FREM1: variants seen among roughly 807,000 people sequenced by gnomAD.
FREM1 encodes FRAS1 related extracellular matrix 1, also known as FRAS1-related extracellular matrix protein 1.
A neutral mutation model predicts 210.1 loss-of-function variants in FREM1; 220 were observed. That is an observed-to-expected ratio of 1.05 (90% CI 0.94 to 1.17). FREM1 has a LOEUF of 1.17. FREM1 is among the 50% of genes most tolerant of loss of function. The pLI is 0.00. For synonymous variants in FREM1, 1,189 were observed against 980.2 expected (o/e 1.21, Z -3.98); for missense variants, 3,454 against 2,675.5 (o/e 1.29, Z -6.42).
At chr9:14,775,016 C>T (rs796511723) in intron 25 of FREM1, among the ~76,000 whole-genome samples, 7 of 152,326 alleles carry the variant, frequency 4.6e-5, no homozygotes, top group African/African-American at 1.7e-4. Context: ...TATTATTACC[C>T]TCATCATTAT....
rs12555299 is a variant in FREM1, at chr9:14,813,989, G to A, written c.2641-925C>T. 5.9e-3 allele frequency among the ~76,000 whole-genome samples: 904 copies of A among 152,144 alleles called. 43 individuals are homozygous for A. Among genetic ancestry groups the A allele is most frequent in the Admixed American group, 0.041 (623 of 15,260 alleles). ...TTCTCTGGCCTTATCCCATGCTATG[G>A]GGTGCCTTTGCCACTCCACTCCAGT... is the stretch of plus-strand genomic sequence containing the variant. On this transcript the variant is annotated intron_variant, in intron 15 of 36. Coordinates refer to ENST00000380880, the MANE Select transcript of FREM1 (RefSeq NM_001379081.2).
rs773811850 is a variant in FREM1, at chr9:14,775,767, G to GAACT, written c.4857+18_4857+21dup. The GAACT allele has an allele frequency of 6.9e-6, 8 of 1,156,772 alleles. No individual in the cohort carries two copies. The East Asian group carries it at 1.9e-4, about 28-fold the overall frequency. 71.7% of individuals were successfully genotyped at this position (1,156,772 alleles called of 1,614,324 possible). On this transcript the variant is annotated intron_variant, in intron 25 of 36. Transcript: ENST00000380880. ...CACTGTTTTCACATCTCTGGCAAAT[G>GAACT]AACTGTGTTTTTCATACTTGCCTGA...
chr9:14,815,155 C>G (rs1215376053), intron 15 of FREM1, among the ~76,000 whole-genome samples: 1 of 152,092 alleles, frequency 6.6e-6, no homozygotes, highest in Non-Finnish European at 1.5e-5. Flanking sequence ...GAACTACTGG[C>G]CAGTATGATC....
At chr9:14,830,926 T>C (rs1443336706) in intron 10 of FREM1, among the ~76,000 whole-genome samples, 2 of 152,234 alleles carry the variant, frequency 1.3e-5, no homozygotes, top group African/African-American at 4.8e-5. Context: ...TTCGCCTCTA[T>C]ATTAAAATAA....
rs1451793034 is a variant in FREM1 at position 14,861,302 on chromosome 9, C to CATATAT, written c.330-1819_330-1818insATATAT. On this transcript the variant is annotated intron_variant, in intron 3 of 36. Transcript: ENST00000380880. ...ACATATATACATATATACATATATA[C>CATATAT]ACATATATACATATATACACATATA... Among the ~76,000 whole-genome samples, 28 of 109,810 alleles carry CATATAT rather than the reference C, an allele frequency of 2.5e-4. 3 individuals carry two copies. Among genetic ancestry groups the CATATAT allele is most frequent in the African/African-American group, 1.5e-3 (27 of 18,600 alleles). The allele number at this position is 109,810 out of a possible 152,430, so 72.0% of individuals were successfully genotyped here.
intron 16 of FREM1, among the ~76,000 whole-genome samples, chr9:14,811,056 G>A (rs1366925694): frequency 6.6e-6 from 1 of 152,218 alleles, no homozygotes; most frequent in Non-Finnish European, 1.5e-5. Flanking sequence ...ACAATGCTGT[G>A]ATTCTTTATC....
In FREM1 at chr9:14,775,879, G is replaced by C. The variant is rs1256578807; in HGVS notation, c.4767C>G (p.Asp1589Glu). The part of the protein sequence containing the change: ...YRHSGGDSQT[D>E]CFTFMATDGT... ...CATCTGTGGCCATGAAAGTAAAGCA[G>C]TCAGTCTGGGAGTCCCCTCCTGAGT... Residue 1589 changes from aspartate to glutamate, a missense_variant, in exon 25 of 37, where the codon GAC becomes GAG. Transcript: ENST00000380880. 1 of 1,613,702 alleles carries C rather than the reference G, an allele frequency of 6.2e-7. No individual in the cohort carries two copies. The highest frequency in any genetic ancestry group is 1.3e-5 in the African/African-American group (1 of 74,922).
At chr9:14,854,689 A>C (rs991014393) in intron 5 of FREM1, among the ~76,000 whole-genome samples, 23 of 152,098 alleles carry the variant, frequency 1.5e-4, no homozygotes, top group Non-Finnish European at 2.5e-4. Flanking sequence ...AGAATTGAGA[A>C]CTTCTTAAAA....
intron 5 of FREM1, among the ~76,000 whole-genome samples, chr9:14,853,183 T>G (rs1015802419): frequency 3.3e-5 from 5 of 152,178 alleles, no homozygotes; most frequent in African/African-American, 9.7e-5. Flanking sequence ...AGGGCTCATA[T>G]CTGAGGAAGC....
At chr9:14,839,217 C>A (rs932511435) in intron 10 of FREM1, among the ~76,000 whole-genome samples, 4 of 152,174 alleles carry the variant, frequency 2.6e-5, no homozygotes, top group Admixed American at 2.6e-4. Flanking sequence ...CAGAAAAACT[C>A]GTCAAGCAGA....
At chr9:14,860,587 A>ATGTGTG (rs1564099329) in intron 3 of FREM1, among the ~76,000 whole-genome samples, 1 of 130,924 alleles carries the variant, frequency 7.6e-6, no homozygotes, top group African/African-American at 3.2e-5. Context: ...ATATACACAT[A>ATGTGTG]TATATACATA....
rs201820027 is a variant in FREM1 at position 14,739,480 on chromosome 9, C to CAT, written c.6340+667_6340+668dup. ...TATATATATATATATATATATAATT[C>CAT]ATATATATATATTCATATATATATG... is the stretch of plus-strand genomic sequence containing the variant. On this transcript the variant is annotated intron_variant, in intron 36 of 36. Transcript: ENST00000380880. Among the ~76,000 whole-genome samples, 514 of 134,744 alleles carry CAT rather than the reference C, an allele frequency of 3.8e-3. 5 individuals are homozygous for CAT. Among genetic ancestry groups the CAT allele is most frequent in the East Asian group, 0.036 (174 of 4,874 alleles). 88.4% of individuals were successfully genotyped at this position (134,744 alleles called of 152,430 possible). A position where few individuals can be genotyped will look rare whatever the true frequency, so the allele number is the denominator to read the frequency against.
intron 20 of FREM1, among the ~76,000 whole-genome samples, chr9:14,798,983 T>C (rs1036517175): frequency 6.6e-6 from 1 of 151,880 alleles, no homozygotes; most frequent in Non-Finnish European, 1.5e-5. Flanking sequence ...CTCCATGTTT[T>C]AAAAGTAAGA....
At chr9:14,842,953 C>T (rs1315128967) in intron 8 of FREM1, among the ~76,000 whole-genome samples, 1 of 152,186 alleles carries the variant, frequency 6.6e-6, no homozygotes, top group Non-Finnish European at 1.5e-5. Flanking sequence ...ATCAACTTAA[C>T]TGGGCTAAGG....
chr9:14,841,131 T>C (rs1435076124), intron 10 of FREM1, among the ~76,000 whole-genome samples: 1 of 152,206 alleles, frequency 6.6e-6, no homozygotes. Context: ...CTAGAGCCTA[T>C]AATTTAATCA....
At chr9:14,778,390 G>A (rs1434406893) in intron 24 of FREM1, among the ~76,000 whole-genome samples, 2 of 151,290 alleles carry the variant, frequency 1.3e-5, no homozygotes, top group East Asian at 3.9e-4. Flanking sequence ...GCGGGCAGAT[G>A]GCTTGAGTCC....
chr9:14,820,199 G>C (rs761928297), intron 13 of FREM1, among the ~76,000 whole-genome samples: 10 of 152,204 alleles, frequency 6.6e-5, no homozygotes. Context: ...CCTTACCATG[G>C]AGGTTTATAA....
intron 1 of FREM1, among the ~76,000 whole-genome samples, chr9:14,876,713 C>G (rs1833826755): frequency 6.6e-6 from 1 of 152,186 alleles, no homozygotes; most frequent in African/African-American, 2.4e-5. Context: ...CTGGCACTCC[C>G]TAGTGAGATG....
chr9:14,864,878 A>C (rs1831229495), intron 2 of FREM1, among the ~76,000 whole-genome samples: 1 of 152,230 alleles, frequency 6.6e-6, no homozygotes, highest in Non-Finnish European at 1.5e-5. Context: ...TTCCTCTTTT[A>C]AATTGACAAC....
Sources: gnomAD v4.1 joint callset for allele counts (sites outside exome capture counted in the v4.1 genomes callset) on GRCh38, gnomAD v4.1.1 for gene constraint, MANE v1.5 for transcripts, NCBI Gene and HGNC (gene_info 2026-07-23, HGNC 2026-07-21) for gene names.